SLIT3: variants seen among roughly 807,000 people sequenced by gnomAD.
SLIT3 encodes the protein slit homolog 3 protein.
SLIT3 carries 68 observed loss-of-function variants against 184.0 expected under a neutral mutation model. The observed-to-expected ratio is 0.37, with a 90% CI of 0.30 to 0.45. The LOEUF is 0.45. SLIT3 is among the 20% of genes least tolerant of loss of function. The pLI is 1.00. For synonymous variants in SLIT3, 831 were observed against 828.6 expected (o/e 1.00, Z -0.05); for missense variants, 1,707 against 2,026.0 (o/e 0.84, Z 3.02).
At chr5:169,207,140 C>T (rs190874098) in intron 3 of SLIT3, among the ~76,000 whole-genome samples, 89 of 151,828 alleles carry the variant, frequency 5.9e-4, no homozygotes, top group African/African-American at 2.1e-3. Context: ...AGTTTAAGAG[C>T]CCCCGCTCAC....
At position 168,803,707 on chromosome 5, in the gene SLIT3, C is replaced by T. The variant is rs79698554; in HGVS notation, c.935+2739G>A. 8.3e-3 allele frequency among the ~76,000 whole-genome samples: 1,269 copies of T among 152,088 alleles called. 15 individuals carry two copies. Among genetic ancestry groups the T allele is most frequent in the Non-Finnish European group, 0.014 (976 of 67,990 alleles). On this transcript the variant is annotated intron_variant, in intron 9 of 35. Coordinates refer to ENST00000519560, the MANE Select transcript of SLIT3 (RefSeq NM_003062.4). ...TCAGACTGCAGTTTGGGAACCTAGC[C>T]GAGGGACGGTCTATGGCTGCCAAAG...
In SLIT3 at chr5:168,806,475, A is replaced by C; in HGVS notation, c.906T>G (p.Pro302=). 1 of 1,614,236 alleles carries C rather than the reference A, an allele frequency of 6.2e-7. No homozygotes were observed. Among genetic ancestry groups the C allele is most frequent in the South Asian group, 1.1e-5 (1 of 91,088 alleles). ...CGACGATGCCCTCCGGCAAGTTGGC[A>C]GGAATCTCCATCAAGCCCTTTCCTC... ...DCRGKGLMEI[P]ANLPEGIVEI... The change falls in exon 9 of 36, where the codon CCT becomes CCG. Residue 302 remains proline, a synonymous_variant. Transcript: ENST00000519560.
intron 14 of SLIT3, 93 bp from the exon 15 acceptor site, chr5:168,762,782 G>A (rs1755205541): frequency 1.5e-6 from 2 of 1,296,346 alleles, no homozygotes; most frequent in Non-Finnish European, 2.2e-6. Context: ...AGAGATGGGG[G>A]AATGAGTTGG....
Position 169,295,871 on chromosome 5 carries a change from C to T in SLIT3, c.197+4642G>A, listed in dbSNP as rs1392544936. 2.6e-5 allele frequency among the ~76,000 whole-genome samples: 4 copies of T among 152,172 alleles called. 1 individual carries two copies. The East Asian group carries it at 5.8e-4, about 22-fold the overall frequency. On this transcript the variant is annotated intron_variant, in intron 1 of 35. Transcript: ENST00000519560. ...AATACAAGAAGAGCAGCAATCAAAA[C>T]CCACAGAGCACTCAGGATGACGCTG... is the stretch of plus-strand genomic sequence containing the variant.
At chr5:168,819,435 G>A (rs1296937985) in intron 7 of SLIT3, among the ~76,000 whole-genome samples, 2 of 152,238 alleles carry the variant, frequency 1.3e-5, no homozygotes, top group South Asian at 4.1e-4. Flanking sequence ...TGCGCAGGCT[G>A]AGGTGCCGTT....
intron 4 of SLIT3, among the ~76,000 whole-genome samples, chr5:169,036,735 G>A (rs1331726560): frequency 1.3e-5 from 2 of 152,052 alleles, no homozygotes; most frequent in African/African-American, 4.8e-5. Flanking sequence ...ACACATGCTC[G>A]ATAAACCAAA....
intron 5 of SLIT3, among the ~76,000 whole-genome samples, chr5:168,864,106 G>A (rs537862487): frequency 6.6e-6 from 1 of 152,028 alleles, no homozygotes; most frequent in East Asian, 1.9e-4. Context: ...GCTACTGCAG[G>A]GGCTGAGGCA....
chr5:169,203,611 C>T (rs1345591), intron 3 of SLIT3, among the ~76,000 whole-genome samples: 10,856 of 152,156 alleles, frequency 0.071, 490 homozygotes, highest in South Asian at 0.12. Context: ...CAGCTTTCCC[C>T]GGATCAGAGT....
At chr5:169,286,321 C>CT (rs781452859) in intron 1 of SLIT3, among the ~76,000 whole-genome samples, 28 of 151,132 alleles carry the variant, frequency 1.9e-4, no homozygotes, top group African/African-American at 4.7e-4. Context: ...AACTAAACAT[C>CT]TTTTTTTTTC....
chr5:168,724,270 C>G (rs1763035769), intron 21 of SLIT3, 146 bp downstream of exon 21: 2 of 465,296 alleles, frequency 4.3e-6, no homozygotes, highest in Non-Finnish European at 7.7e-6. Flanking sequence ...CCTTTGCAGA[C>G]TGGCTTCTGG....
In SLIT3 at chr5:168,764,005, A is replaced by G. The variant is rs1329567449; in HGVS notation, c.1460-1316T>C. ...ATTAGCTTTTCATGGGTTTTAGCAG[A>G]AGGGAGCACAGGCTCGTTCAGGCCT... On this transcript the variant is annotated intron_variant, in intron 14 of 35. Coordinates refer to ENST00000519560, the MANE Select transcript of SLIT3 (RefSeq NM_003062.4). Among the ~76,000 whole-genome samples, 15 of 152,212 alleles carry G rather than the reference A, an allele frequency of 9.9e-5. 1 individual carries two copies. The highest frequency in any genetic ancestry group is 4.4e-5 in the Non-Finnish European group (3 of 68,030).
In SLIT3 at chr5:168,696,898, G is replaced by A. The variant is rs181392074; in HGVS notation, c.2943-467C>T. Among the ~76,000 whole-genome samples the A allele has an allele frequency of 2.6e-5, 4 of 152,226 alleles. No individual in the cohort carries two copies. In the East Asian group the frequency reaches 7.7e-4, roughly 29 times the overall value. On this transcript the variant is annotated intron_variant, in intron 27 of 35. Coordinates refer to ENST00000519560, the MANE Select transcript of SLIT3 (RefSeq NM_003062.4). ...ACTCAAAGGCAGCCCTTCTATCTCAGGGTGAGGGGGTGGGCAGAATATAGT... is the reference window on the plus strand; with the variant it reads ...ACTCAAAGGCAGCCCTTCTATCTCAAGGTGAGGGGGTGGGCAGAATATAGT...
chr5:168,975,902 G>C (rs1460942794), intron 4 of SLIT3, among the ~76,000 whole-genome samples: 5 of 152,164 alleles, frequency 3.3e-5, no homozygotes, highest in Non-Finnish European at 7.3e-5. Context: ...TCCTGCAAGA[G>C]GAAGGGAGCA....
chr5:169,234,698 G>A (rs192173909), intron 3 of SLIT3, among the ~76,000 whole-genome samples: 31 of 152,170 alleles, frequency 2.0e-4, no homozygotes, highest in Middle Eastern at 3.4e-3. Flanking sequence ...GTGAGTCACC[G>A]CATCCAGCCT....
At chr5:168,997,481 TG>T (rs1189739660) in intron 4 of SLIT3, among the ~76,000 whole-genome samples, 3 of 152,066 alleles carry the variant, frequency 2.0e-5, no homozygotes, top group South Asian at 4.2e-4. Flanking sequence ...TAGAAAGGGA[TG>T]GGGGTAGAGG....
At chr5:169,292,161 G>A (rs1767378943) in intron 1 of SLIT3, among the ~76,000 whole-genome samples, 1 of 152,162 alleles carries the variant, frequency 6.6e-6, no homozygotes, top group Non-Finnish European at 1.5e-5. Context: ...AGATGCTAAG[G>A]GAAATCACTG....
At chr5:169,048,345 C>G (rs889002315) in intron 4 of SLIT3, among the ~76,000 whole-genome samples, 2 of 152,182 alleles carry the variant, frequency 1.3e-5, no homozygotes, top group Non-Finnish European at 2.9e-5. Context: ...ACAAACCAGG[C>G]ATAACGGAAG....
chr5:168,977,983 C>T (rs1308196694), intron 4 of SLIT3, among the ~76,000 whole-genome samples: 1 of 152,194 alleles, frequency 6.6e-6, no homozygotes, highest in Non-Finnish European at 1.5e-5. Flanking sequence ...CCTCTCGCTC[C>T]CATTTCTAGT....
intron 4 of SLIT3, chr5:169,119,789 A>T (rs1487397326): frequency 6.6e-6 from 1 of 152,210 alleles, no homozygotes; most frequent in Non-Finnish European, 1.5e-5. Context: ...TGAGTTGCTA[A>T]TTAAGTTATT....
Sources: gnomAD v4.1 joint callset for allele counts (sites outside exome capture counted in the v4.1 genomes callset) on GRCh38, gnomAD v4.1.1 for gene constraint, MANE v1.5 for transcripts, NCBI Gene and HGNC (gene_info 2026-07-23, HGNC 2026-07-21) for gene names.